DYNC1H1: variants seen among roughly 807,000 people sequenced by gnomAD.
DYNC1H1 encodes the protein cytoplasmic dynein 1 heavy chain 1.
A neutral mutation model predicts 527.1 loss-of-function variants in DYNC1H1; 51 were observed. That is an observed-to-expected ratio of 0.10 (90% confidence interval 0.08 to 0.12). DYNC1H1 has a LOEUF of 0.12. DYNC1H1 is among the 10% of genes least tolerant of loss of function. The probability of loss-of-function intolerance (pLI) is 1.00; values close to 1 mark genes in which losing one functional copy is unlikely to be tolerated. For synonymous variants in DYNC1H1, 2,189 were observed against 2,278.8 expected (o/e 0.96, Z 1.12); for missense variants, 2,771 against 5,971.8 (o/e 0.46, Z 17.66).
intron 1 of DYNC1H1, among the ~76,000 whole-genome samples, chr14:101,972,223 A>G (rs2141264450): frequency 6.6e-6 from 1 of 152,252 alleles, no homozygotes; most frequent in East Asian, 1.9e-4. Flanking sequence ...TTTAAAAAAA[A>G]AAAAAAGAAA....
chr14:102,014,274 C>T (rs1270348831), intron 34 of DYNC1H1, among the ~76,000 whole-genome samples: 1 of 152,212 alleles, frequency 6.6e-6, no homozygotes, highest in Non-Finnish European at 1.5e-5. Flanking sequence ...TGGTTCGTGC[C>T]TGTCATCCCA....
In DYNC1H1 at chr14:102,027,913, C is replaced by G; in HGVS notation, c.9264-24C>G. 1 of 1,614,202 alleles carries G rather than the reference C, an allele frequency of 6.2e-7. No homozygotes were observed. The highest frequency in any genetic ancestry group is 8.5e-7 in the Non-Finnish European group (1 of 1,180,040). ...ACAAAGCCTGCCCCTCATAGCTGTC[C>G]TGAAACATGGGCCTCTTTCTCAGGT... On this transcript the variant is annotated intron_variant, in intron 47 of 77. Transcript: ENST00000360184. The surrounding 1 kb of genome is among the most constrained non-coding windows in gnomAD (Gnocchi z 7.7).
chr14:102,038,662 G>A lies in DYNC1H1; in HGVS notation c.11056-36G>A. The stretch of plus-strand genomic sequence containing the variant: ...CTGGCAGGATGTGGTTTTGAAACTG[G>A]ATTAAGACAGACTGTTCTGTTACCT... On this transcript the variant is annotated intron_variant, in intron 58 of 77. Transcript: ENST00000360184. The surrounding 1 kb of genome is among the most constrained non-coding windows in gnomAD (Gnocchi z 7.2). 1.2e-6 allele frequency: 2 copies of A among 1,614,234 alleles called. No individual in the cohort carries two copies. The highest frequency in any genetic ancestry group is 1.7e-6 in the Non-Finnish European group (2 of 1,180,052).
intron 11 of DYNC1H1, 109 bp from the exon 12 acceptor site, chr14:101,994,075 T>G: frequency 6.5e-7 from 1 of 1,539,670 alleles, no homozygotes; most frequent in Non-Finnish European, 9.0e-7. Flanking sequence ...TTAAATGCCA[T>G]TTTGGTCATG....
At chr14:101,987,125 C>T (rs1319827694) in intron 8 of DYNC1H1, among the ~76,000 whole-genome samples, 1 of 152,246 alleles carries the variant, frequency 6.6e-6, no homozygotes, top group Admixed American at 6.5e-5. Flanking sequence ...CAGATGCATA[C>T]GACAGCGAGG....
intron 77 of DYNC1H1, 81 bp downstream of exon 77, chr14:102,050,279 T>C (rs933295480): frequency 6.2e-7 from 1 of 1,612,028 alleles, no homozygotes; most frequent in Non-Finnish European, 8.5e-7. Context: ...CTTCTATGCC[T>C]GGGTTCCACT....
chr14:102,048,057 G>T, intron 73 of DYNC1H1, 29 bp downstream of exon 73: 1 of 1,593,432 alleles, frequency 6.3e-7, no homozygotes, highest in Non-Finnish European at 8.5e-7. Flanking sequence ...GGCCGGCCAG[G>T]TCTCAAGGTC....
Position 102,036,407 on chromosome 14 carries a change from C to G in DYNC1H1, c.10755-82C>G, listed in dbSNP as rs1248683992. On this transcript the variant is annotated intron_variant, in intron 56 of 77. Transcript: ENST00000360184. This position sits in a 1 kb window ranked among gnomAD's most constrained non-coding sequence, Gnocchi z 5.6. Reference sequence around the variant, plus strand: ...GGTAACAGCCTATCAATCAGGGTCTCTCATCAGGGACTCGGCTAACCGTGA... The same window carrying G: ...GGTAACAGCCTATCAATCAGGGTCTGTCATCAGGGACTCGGCTAACCGTGA... The G allele has an allele frequency of 6.3e-7, 1 of 1,587,278 alleles. No homozygotes were observed. Among genetic ancestry groups the G allele is most frequent in the African/African-American group, 1.3e-5 (1 of 74,328 alleles).
intron 28 of DYNC1H1, 97 bp downstream of exon 28, chr14:102,007,205 A>C: frequency 7.5e-7 from 1 of 1,340,762 alleles, no homozygotes. Flanking sequence ...CATTGGTCTT[A>C]CAGCTCAGCG....
In DYNC1H1 at chr14:102,039,155, G is replaced by A. The variant is rs145320071; in HGVS notation, c.11361G>A (p.Thr3787=). The change falls in exon 60 of 78, where the codon ACG becomes ACA. Residue 3787 remains threonine, a synonymous_variant. Transcript: ENST00000360184. This position sits in a 1 kb window ranked among gnomAD's most constrained non-coding sequence, Gnocchi z 7.0. ...AGGTCACCAGGAAAGTTGAGGAGAC[G>A]GACATTGTCATGCAGGAGGTGGAGA... is the stretch of plus-strand genomic sequence containing the variant. The part of the protein sequence containing the change: ...AAEVTRKVEE[T]DIVMQEVETV... 42 of 1,614,170 alleles carry A rather than the reference G, an allele frequency of 2.6e-5. No homozygotes were observed. The Middle Eastern group carries it at 1.5e-3, about 57-fold the overall frequency.
At position 102,049,396 on chromosome 14, in the gene DYNC1H1, G is replaced by T; in HGVS notation, c.13373-44G>T. ...CATTTGTTCCATCTGTGCTGGGGGA[G>T]TTGTGAGAGCTGACACCCTGGGCTC... On this transcript the variant is annotated intron_variant, in intron 74 of 77. Transcript: ENST00000360184. This position sits in a 1 kb window ranked among gnomAD's most constrained non-coding sequence, Gnocchi z 5.5. 6.2e-7 allele frequency: 1 copy of T among 1,612,670 alleles called. No homozygotes were observed. Among genetic ancestry groups the T allele is most frequent in the Non-Finnish European group, 8.5e-7 (1 of 1,180,008 alleles).
At position 102,039,417 on chromosome 14, in the gene DYNC1H1, C is replaced by G. The variant is rs1270434499; in HGVS notation, c.11466C>G (p.His3822Gln). 1.9e-6 allele frequency: 3 copies of G among 1,614,254 alleles called. No homozygotes were observed. ...TGCCCACTGCTTCCTTTCAGATACA[C>G]TTCTTGTACCAGTACTCCCTCCAGT... Reference protein sequence around the residue: ...YFTMESLKQIHFLYQYSLQFF... With the variant: ...YFTMESLKQIQFLYQYSLQFF... The change falls in exon 61 of 78, where the codon CAC becomes CAG. Residue 3822 changes from histidine (H) to glutamine (Q), a missense_variant. This residue lies in a region of DYNC1H1 where 283 missense variants were observed against 737.6 expected (regional missense o/e 0.38). Coordinates refer to ENST00000360184, the MANE Select transcript of DYNC1H1 (RefSeq NM_001376.5). This position sits in a 1 kb window ranked among gnomAD's most constrained non-coding sequence, Gnocchi z 7.0.
In DYNC1H1 at chr14:102,038,121, G is replaced by C. The variant is rs1442192499; in HGVS notation, c.10909-339G>C. 5.4e-6 allele frequency: 2 copies of C among 371,010 alleles called. No individual in the cohort carries two copies. The allele number at this position is 371,010 out of a possible 1,614,324, so 23.0% of individuals were successfully genotyped here. A position where few individuals can be genotyped will look rare whatever the true frequency, so the allele number is the denominator to read the frequency against. ...GCCTCCCAGGTAGCTGGGACTACAG[G>C]CATGTGCCATACACCCCCAGCTAAC... On this transcript the variant is annotated intron_variant, in intron 57 of 77. Coordinates refer to ENST00000360184, the MANE Select transcript of DYNC1H1 (RefSeq NM_001376.5). The surrounding 1 kb of genome is among the most constrained non-coding windows in gnomAD (Gnocchi z 7.2).
chr14:101,993,777 C>T (rs1471618061), intron 11 of DYNC1H1, among the ~76,000 whole-genome samples: 2 of 152,208 alleles, frequency 1.3e-5, no homozygotes, highest in Non-Finnish European at 2.9e-5. Context: ...TTCTCTCTCA[C>T]CACCTGACAT....
chr14:102,034,627 A>G (rs2048550335), intron 56 of DYNC1H1, 175 bp downstream of exon 56: 12 of 1,056,016 alleles, frequency 1.1e-5, no homozygotes, highest in Non-Finnish European at 1.7e-5. Flanking sequence ...GTTATTGTCA[A>G]GTGTCTGAGT....
chr14:102,041,860 G>T lies in DYNC1H1; in HGVS notation c.12102+126G>T. On this transcript the variant is annotated intron_variant, in intron 65 of 77. Coordinates refer to ENST00000360184, the MANE Select transcript of DYNC1H1 (RefSeq NM_001376.5). This position sits in a 1 kb window ranked among gnomAD's most constrained non-coding sequence, Gnocchi z 4.5. The stretch of plus-strand genomic sequence containing the variant: ...AGTCTCCTCCTAAGACCAGGAACTC[G>T]CTGCAGATTCTCAACTCCTGGCTGC... 1 of 1,532,428 alleles carries T rather than the reference G, an allele frequency of 6.5e-7. No individual in the cohort carries two copies. 94.9% of individuals were successfully genotyped at this position (1,532,428 alleles called of 1,614,324 possible). A position where few individuals can be genotyped will look rare whatever the true frequency, so the allele number is the denominator to read the frequency against.
In DYNC1H1 at chr14:102,041,593, C is replaced by T; in HGVS notation, c.11961C>T (p.Ile3987=). The T allele has an allele frequency of 6.2e-7, 1 of 1,614,108 alleles. No homozygotes were observed. Among genetic ancestry groups the T allele is most frequent in the Non-Finnish European group, 8.5e-7 (1 of 1,180,040 alleles). The change falls in exon 65 of 78, where the codon ATC becomes ATT. Residue 3987 remains isoleucine, a synonymous_variant. Transcript: ENST00000360184. This position sits in a 1 kb window ranked among gnomAD's most constrained non-coding sequence, Gnocchi z 4.5. ...ETPATPIGQA[I]HRLLLIQAFR... ...TTTCAGCACCCATTGGCCAGGCCAT[C>T]CACCGCCTGCTCCTGATCCAGGCTT...
At chr14:101,967,483 A>G (rs575186737) in intron 1 of DYNC1H1, among the ~76,000 whole-genome samples, 5 of 152,314 alleles carry the variant, frequency 3.3e-5, no homozygotes, top group South Asian at 2.1e-4. Flanking sequence ...GTGAAACTAT[A>G]TATATTTTTT....
chr14:102,016,018 G>C lies in DYNC1H1; in HGVS notation c.7405G>C (p.Val2469Leu). The change falls in exon 36 of 78, where the codon GTG becomes CTG. Residue 2469 changes from valine to leucine, a missense_variant. Val to Leu is a conservative substitution (Grantham distance 32). Transcript: ENST00000360184. The surrounding 1 kb of genome is among the most constrained non-coding windows in gnomAD (Gnocchi z 7.3). ...CATGCTGCACCAGGCCTGCCGCAAC[G>C]TGGCGCAGTATAACGCCAACCATCC... is the stretch of plus-strand genomic sequence containing the variant. The part of the protein sequence containing the change: ...FSMLHQACRN[V>L]AQYNANHPDF... The C allele has an allele frequency of 6.2e-7, 1 of 1,613,742 alleles. No individual in the cohort carries two copies. The highest frequency in any genetic ancestry group is 8.5e-7 in the Non-Finnish European group (1 of 1,179,966).
Sources: allele counts gnomAD v4.1 joint callset (sites outside exome capture counted in the v4.1 genomes callset), GRCh38; gene constraint gnomAD v4.1.1; regional missense constraint gnomAD v4.1.1; non-coding constraint Gnocchi (gnomAD v3.1); transcripts MANE v1.5; gene names NCBI Gene and HGNC (gene_info 2026-07-23, HGNC 2026-07-21).